Variants in FTO observed in about 807,000 individuals in gnomAD.
FTO encodes alpha-ketoglutarate-dependent dioxygenase FTO.
FTO carries 47 observed loss-of-function variants against 63.9 expected under a neutral mutation model. The ratio of observed to expected loss-of-function variants is 0.74; its 90% confidence interval spans 0.58 to 0.94. FTO has a LOEUF of 0.94. Among genes scored for constraint, FTO ranks in the 40% least tolerant of loss-of-function variants. FTO has a pLI of 0.00. For missense variants in FTO, 562 were observed against 618.1 expected (o/e 0.91, Z 0.96); for synonymous variants, 207 against 224.4 (o/e 0.92, Z 0.69).
chr16:53,967,237 T>A (rs922488213), intron 8 of FTO, among the ~76,000 whole-genome samples: 1 of 152,050 alleles, frequency 6.6e-6, no homozygotes, highest in African/African-American at 2.4e-5. Context: ...TCCCTTTATT[T>A]CTCCACGTTG....
chr16:54,098,366 G>A (rs1240252879), intron 8 of FTO, among the ~76,000 whole-genome samples: 1 of 152,144 alleles, frequency 6.6e-6, no homozygotes, highest in African/African-American at 2.4e-5. Context: ...TCCAAATAAG[G>A]TTAAAATGAA....
intron 8 of FTO, among the ~76,000 whole-genome samples, chr16:53,990,628 C>A (rs1204259119): frequency 7.2e-6 from 1 of 139,086 alleles, no homozygotes; most frequent in Non-Finnish European, 1.5e-5. Flanking sequence ...CTTTTACATG[C>A]TTTGCATACA....
intron 1 of FTO, among the ~76,000 whole-genome samples, chr16:53,729,484 C>T (rs992542265): frequency 6.7e-6 from 1 of 148,822 alleles, no homozygotes; most frequent in Non-Finnish European, 1.5e-5. Flanking sequence ...GCCTGCGTGA[C>T]AGACTGAGAC....
At chr16:53,762,395 TA>T (rs1401347488) in intron 1 of FTO, among the ~76,000 whole-genome samples, 1 of 152,188 alleles carries the variant, frequency 6.6e-6, no homozygotes, top group Non-Finnish European at 1.5e-5. Context: ...GCACAGTGTT[TA>T]ATAAATTATT....
At position 53,726,113 on chromosome 16, in the gene FTO, A is replaced by G. The variant is rs74018192; in HGVS notation, c.45+21884A>G. Among the ~76,000 whole-genome samples, 428 of 152,340 alleles carry G rather than the reference A, an allele frequency of 2.8e-3. 2 individuals carry two copies. The highest frequency in any genetic ancestry group is 9.6e-3 in the African/African-American group (400 of 41,578). ...AATAAGAGCCCGAACTTAGAATTGT[A>G]TAAGGAGGTATTTGTGTCATATACT... On this transcript the variant is annotated intron_variant, in intron 1 of 8. Transcript: ENST00000471389.
At chr16:53,814,571 G>A (rs960691379) in intron 2 of FTO, 1 of 152,222 alleles carries the variant, frequency 6.6e-6, no homozygotes, top group Non-Finnish European at 1.5e-5. Flanking sequence ...TTAAGTCTGG[G>A]CTGTTGGCTT....
At chr16:54,023,085 CA>C (rs539262326) in intron 8 of FTO, among the ~76,000 whole-genome samples, 56 of 152,298 alleles carry the variant, frequency 3.7e-4, no homozygotes, top group African/African-American at 1.3e-3. Flanking sequence ...ATGCAGTTTG[CA>C]CATTGGTGAA....
intron 2 of FTO, among the ~76,000 whole-genome samples, chr16:53,825,162 C>T (rs1467084037): frequency 6.6e-6 from 1 of 152,136 alleles, no homozygotes; most frequent in Non-Finnish European, 1.5e-5. Flanking sequence ...GCAAAATTGC[C>T]ATGGCTTTTG....
chr16:53,907,448 C>T (rs1391135885), intron 7 of FTO, among the ~76,000 whole-genome samples: 2 of 152,130 alleles, frequency 1.3e-5, no homozygotes, highest in Admixed American at 6.5e-5. Context: ...AGCCCAGCAT[C>T]GTGAGAGAGT....
intron 1 of FTO, among the ~76,000 whole-genome samples, chr16:53,767,051 A>C (rs1233790321): frequency 6.6e-6 from 1 of 152,160 alleles, no homozygotes; most frequent in African/African-American, 2.4e-5. Flanking sequence ...ATATTGATTA[A>C]GTGTCTGATG....
chr16:53,869,601 A>C (rs2080438629), intron 4 of FTO, among the ~76,000 whole-genome samples: 1 of 144,936 alleles, frequency 6.9e-6, no homozygotes, highest in African/African-American at 2.6e-5. Flanking sequence ...GTTTCTCTTA[A>C]TATATCCTCA....
intron 8 of FTO, among the ~76,000 whole-genome samples, chr16:54,002,275 C>T (rs2084085887): frequency 6.6e-6 from 1 of 152,168 alleles, no homozygotes; most frequent in Non-Finnish European, 1.5e-5. Context: ...CGACCTCGGC[C>T]TCCTGAAGTG....
rs576972363 is a variant in FTO, at chr16:53,716,886, TTATA to T, written c.45+12662_45+12665del. On this transcript the variant is annotated intron_variant, in intron 1 of 8. Coordinates refer to ENST00000471389, the MANE Select transcript of FTO (RefSeq NM_001080432.3). ...ATTGCTTAGAATATTGTTATTATGC[TTATA>T]TATAATATATACAGTATGACTAATT... is the stretch of plus-strand genomic sequence containing the variant. 3.8e-3 allele frequency among the ~76,000 whole-genome samples: 566 copies of T among 150,790 alleles called. 4 individuals carry two copies. The highest frequency in any genetic ancestry group is 0.013 in the African/African-American group (543 of 41,308).
intron 8 of FTO, among the ~76,000 whole-genome samples, chr16:53,941,232 C>T (rs544774262): frequency 6.6e-6 from 1 of 152,268 alleles, no homozygotes; most frequent in Non-Finnish European, 1.5e-5. Context: ...CTGTGCTAGA[C>T]ACTGTGGGGA....
intron 8 of FTO, among the ~76,000 whole-genome samples, chr16:54,007,679 G>A (rs1480537554): frequency 6.6e-6 from 1 of 152,184 alleles, no homozygotes; most frequent in African/African-American, 2.4e-5. Context: ...AAAGAAAGTG[G>A]TAGGGACAGT....
chr16:53,741,120 T>C (rs1249649268), intron 1 of FTO, among the ~76,000 whole-genome samples: 1 of 152,242 alleles, frequency 6.6e-6, no homozygotes, highest in Non-Finnish European at 1.5e-5. Context: ...AAAGTTTTAT[T>C]GAAACATAGC....
At chr16:54,065,917 C>G (rs2085718154) in intron 8 of FTO, among the ~76,000 whole-genome samples, 1 of 152,210 alleles carries the variant, frequency 6.6e-6, no homozygotes, top group African/African-American at 2.4e-5. Context: ...GCCAGCAGCA[C>G]TGTTGGAAGC....
At chr16:53,753,669 C>T (rs2151578813) in intron 1 of FTO, among the ~76,000 whole-genome samples, 1 of 152,302 alleles carries the variant, frequency 6.6e-6, no homozygotes, top group African/African-American at 2.4e-5. Context: ...GAGACATGAG[C>T]TGTTGGTGTT....
At chr16:53,739,371 GTT>G (rs57891950) in intron 1 of FTO, among the ~76,000 whole-genome samples, 88 of 137,200 alleles carry the variant, frequency 6.4e-4, no homozygotes, top group Middle Eastern at 7.5e-3. Context: ...ACACCTGGCT[GTT>G]TTTTTTTTTT....
Sources: gnomAD v4.1 joint callset for allele counts (sites outside exome capture counted in the v4.1 genomes callset) on GRCh38, gnomAD v4.1.1 for gene constraint, MANE v1.5 for transcripts, NCBI Gene and HGNC (gene_info 2026-07-23, HGNC 2026-07-21) for gene names.